Variants in GPR155 observed in about 807,000 individuals in gnomAD.
GPR155 encodes the protein G protein-coupled receptor 155.
A neutral mutation model predicts 93.1 loss-of-function variants in GPR155; 65 were observed. That is an observed-to-expected ratio of 0.70 (90% confidence interval 0.57 to 0.86). The LOEUF (loss-of-function observed/expected upper bound fraction) is 0.86. GPR155 is among the 40% of genes least tolerant of loss of function. The pLI is 0.00. For synonymous variants in GPR155, 319 were observed against 360.1 expected, an observed-to-expected ratio of 0.89 and a Z score of 1.29; for missense variants, 838 against 1,034.8, an observed-to-expected ratio of 0.81 and a Z score of 2.61.
chr2:174,436,483 C>A (rs1686788911), intron 15 of GPR155, 67 bp from the exon 16 acceptor site: 4 of 1,426,092 alleles, frequency 2.8e-6, no homozygotes, highest in South Asian at 1.3e-5. Context: ...TGATAGAGGA[C>A]AAGCAAGAAA....
intron 3 of GPR155, among the ~76,000 whole-genome samples, chr2:174,472,175 A>G (rs909866268): frequency 1.3e-5 from 2 of 152,132 alleles, no homozygotes; most frequent in Non-Finnish European, 2.9e-5. Context: ...GGAGGCCGAG[A>G]TGGATGGATC....
rs1279667931 is a variant in GPR155 at position 174,440,023 on chromosome 2, T to C, written c.2187A>G (p.Leu729=). Residue 729 remains leucine (L), a synonymous_variant, in exon 15 of 16, where the codon CTA becomes CTG. Transcript: ENST00000392552. ...ILPFKRRLEF[L]WNNKDTAENR... ...TTTCTGCTGTGTCTTTATTGTTCCA[T>C]AGGAATTCAAGTCTGAAAATCAAAT... 6.2e-7 allele frequency: 1 copy of C among 1,607,370 alleles called. No homozygotes were observed. Among genetic ancestry groups the C allele is most frequent in the East Asian group, 2.2e-5 (1 of 44,622 alleles).
intron 11 of GPR155, among the ~76,000 whole-genome samples, chr2:174,447,385 ATTATATATAATTTTTATT>A (rs991326840): frequency 8.2e-5 from 12 of 146,732 alleles, no homozygotes; most frequent in African/African-American, 2.5e-4. Context: ...TTAAGTATAA[ATTATATATAATTTTTATT>A]TTATATATTA....
intron 13 of GPR155, 56 bp downstream of exon 13, chr2:174,445,025 C>A (rs1687077309): frequency 1.9e-5 from 16 of 840,050 alleles, no homozygotes; most frequent in Non-Finnish European, 6.2e-6. Flanking sequence ...CGACCCCCTA[C>A]CAATCAACCT....
At chr2:174,466,497 T>G (rs776313098) in intron 6 of GPR155, 47 bp downstream of exon 6, 1 of 1,023,422 alleles carries the variant, frequency 9.8e-7, no homozygotes, top group South Asian at 1.4e-5. Context: ...TACAGTAGAA[T>G]AATCCATTAG....
At chr2:174,449,078 G>T (rs1315857158) in intron 11 of GPR155, among the ~76,000 whole-genome samples, 1 of 151,842 alleles carries the variant, frequency 6.6e-6, no homozygotes, top group Non-Finnish European at 1.5e-5. Flanking sequence ...ATGCACAAAA[G>T]ACATGAACAG....
intron 14 of GPR155, among the ~76,000 whole-genome samples, chr2:174,441,723 TTGTG>T (rs3043735): frequency 0.21 from 31,616 of 147,616 alleles, 3,799 homozygotes; most frequent in Middle Eastern, 0.38. Context: ...ATCAGTATCT[TTGTG>T]TGTGTGTGTG....
Position 174,461,688 on chromosome 2 carries a change from T to C in GPR155, c.1385-16A>G, listed in dbSNP as rs1687702539. On this transcript the variant is annotated splice_polypyrimidine_tract_variant and intron_variant, in intron 7 of 15. Transcript: ENST00000392552. ...GCTAGAAGGCCTAAGAATAAGAAGA[T>C]TGAAAGAGAGACAGTTACTCAACAT... 3 of 1,386,338 alleles carry C rather than the reference T, an allele frequency of 2.2e-6. No individual in the cohort carries two copies. Among genetic ancestry groups the C allele is most frequent in the Non-Finnish European group, 3.1e-6 (3 of 975,196 alleles). 85.9% of individuals were successfully genotyped at this position (1,386,338 alleles called of 1,614,324 possible). A position where few individuals can be genotyped will look rare whatever the true frequency, so the allele number is the denominator to read the frequency against.
rs529623116 is a variant in GPR155 at position 174,461,312 on chromosome 2, A to G, written c.1560+90T>C. 1.4e-5 allele frequency: 11 copies of G among 776,408 alleles called. No homozygotes were observed. The South Asian group carries it at 1.6e-4, about 12-fold the overall frequency. 48.1% of individuals were successfully genotyped at this position (776,408 alleles called of 1,614,324 possible). A position where few individuals can be genotyped will look rare whatever the true frequency, so the allele number is the denominator to read the frequency against. Reference sequence around the variant, plus strand: ...ATGCAATAAATTGAAATAGATTTTCAAAGTTAATTTTAATATAAGTCTAGC... The same window carrying G: ...ATGCAATAAATTGAAATAGATTTTCGAAGTTAATTTTAATATAAGTCTAGC... On this transcript the variant is annotated intron_variant, in intron 9 of 15. Transcript: ENST00000392552.
intron 1 of GPR155, among the ~76,000 whole-genome samples, chr2:174,482,656 C>T (rs547620511): frequency 1.1e-4 from 16 of 152,290 alleles, no homozygotes; most frequent in African/African-American, 2.6e-4. Context: ...TCAAGCGATT[C>T]GTGTGCCACC....
At chr2:174,451,757 C>T (rs533264085) in intron 11 of GPR155, among the ~76,000 whole-genome samples, 2 of 152,262 alleles carry the variant, frequency 1.3e-5, no homozygotes, top group South Asian at 4.1e-4. Flanking sequence ...GCGATCCTCC[C>T]ACCCCAGCCT....
At position 174,433,077 on chromosome 2, in the gene GPR155, T is replaced by A. The variant is rs910264406; in HGVS notation, c.*3039A>T. 7.2e-5 allele frequency: 11 copies of A among 152,136 alleles called. No individual in the cohort carries two copies. Among genetic ancestry groups the A allele is most frequent in the African/African-American group, 2.7e-4 (11 of 41,420 alleles). The allele number at this position is 152,136 out of a possible 1,614,324, so 9.4% of individuals were successfully genotyped here. On this transcript the variant is annotated 3_prime_UTR_variant, in exon 16 of 16. Transcript: ENST00000392552. ...CGCGCCTGGCCCCCATGCAGGTTTTTAAAAAACTGTTTATTTGTTGCATTA... is the reference window on the plus strand; with the variant it reads ...CGCGCCTGGCCCCCATGCAGGTTTTAAAAAAACTGTTTATTTGTTGCATTA...
chr2:174,474,191 G>A (rs567702475), intron 2 of GPR155, among the ~76,000 whole-genome samples: 1 of 152,274 alleles, frequency 6.6e-6, no homozygotes, highest in Admixed American at 6.5e-5. Context: ...TGGTCTAGCC[G>A]GAAAGTATGA....
Position 174,440,016 on chromosome 2 carries a change from T to G in GPR155, c.2194A>C (p.Asn732His). 3.1e-6 allele frequency: 5 copies of G among 1,610,886 alleles called. No homozygotes were observed. Among genetic ancestry groups the G allele is most frequent in the Non-Finnish European group, 4.2e-6 (5 of 1,178,760 alleles). Residue 732 changes from asparagine (N) to histidine (H), a missense_variant, in exon 15 of 16, where the codon AAT (asparagine) becomes CAT (histidine). Asn to His is a moderately conservative substitution (Grantham distance 68). Coordinates refer to ENST00000392552, the MANE Select transcript of GPR155 (RefSeq NM_152529.7). ...FKRRLEFLWNNKDTAENRDSP... is the reference protein window; with the variant it reads ...FKRRLEFLWNHKDTAENRDSP... ...TCCCTGTTTTCTGCTGTGTCTTTAT[T>G]GTTCCATAGGAATTCAAGTCTGAAA...
At position 174,466,646 on chromosome 2, in the gene GPR155, A is replaced by G. The variant is rs778487715; in HGVS notation, c.1183-19T>C. 1 of 1,307,862 alleles carries G rather than the reference A, an allele frequency of 7.6e-7. No homozygotes were observed. The highest frequency in any genetic ancestry group is 1.1e-6 in the Non-Finnish European group (1 of 916,062). 81.0% of individuals were successfully genotyped at this position (1,307,862 alleles called of 1,614,324 possible). A position where few individuals can be genotyped will look rare whatever the true frequency, so the allele number is the denominator to read the frequency against. The stretch of plus-strand genomic sequence containing the variant: ...ACCAGATCTTGAAGACAAAAGGTTC[A>G]AAAGTTATTCATGTTTCTTAATCTT... On this transcript the variant is annotated intron_variant, in intron 5 of 15. Transcript: ENST00000392552.
chr2:174,472,938 T>C (rs1228181559), intron 3 of GPR155, 27 bp downstream of exon 3: 9 of 1,563,318 alleles, frequency 5.8e-6, no homozygotes, highest in Non-Finnish European at 7.7e-6. Context: ...AAAAGTACAA[T>C]TCTCAAGTTA....
intron 10 of GPR155, among the ~76,000 whole-genome samples, chr2:174,455,691 T>C (rs1687495791): frequency 6.6e-6 from 1 of 152,084 alleles, no homozygotes; most frequent in African/African-American, 2.4e-5. Flanking sequence ...CTAATTCACC[T>C]CAAGGGGAAA....
chr2:174,448,984 A>G (rs1687240317), intron 11 of GPR155, among the ~76,000 whole-genome samples: 1 of 152,222 alleles, frequency 6.6e-6, no homozygotes, highest in Non-Finnish European at 1.5e-5. Flanking sequence ...TTCGCACACT[A>G]TGCATCTAAC....
chr2:174,444,582 T>A (rs1687062354), intron 13 of GPR155, among the ~76,000 whole-genome samples: 1 of 149,120 alleles, frequency 6.7e-6, no homozygotes, highest in South Asian at 2.1e-4. Flanking sequence ...AACCTCCACT[T>A]CCTGGGTTCA....
Sources: allele counts gnomAD v4.1 joint callset (sites outside exome capture counted in the v4.1 genomes callset), GRCh38; gene constraint gnomAD v4.1.1; transcripts MANE v1.5; gene names NCBI Gene and HGNC (gene_info 2026-07-23, HGNC 2026-07-21).